Variants in INTS13 observed in about 807,000 individuals in gnomAD.
INTS13 encodes asunder, spermatogenesis regulator homolog (Drosphila).
In INTS13, 35 loss-of-function variants were observed where a neutral mutation model predicts 90.2. The observed-to-expected ratio is 0.39, with a 90% CI of 0.30 to 0.51. INTS13 has a LOEUF of 0.51. Ranked by LOEUF, INTS13 falls within the 20% of genes least tolerant of loss-of-function variation. INTS13 has a pLI of 0.80. For missense variants in INTS13, 601 were observed against 851.2 expected, an observed-to-expected ratio of 0.71 and a Z score of 3.66; for synonymous variants, 309 against 277.1, an observed-to-expected ratio of 1.11 and a Z score of -1.14.
intron 8 of INTS13, among the ~76,000 whole-genome samples, chr12:26,919,542 T>A (rs979991439): frequency 6.6e-6 from 1 of 152,016 alleles, no homozygotes. Flanking sequence ...AGATACTAGG[T>A]AAGGAAATAA....
chr12:26,926,022 T>C (rs1937854126), intron 5 of INTS13, among the ~76,000 whole-genome samples, 171 bp from the exon 6 acceptor site: 1 of 152,192 alleles, frequency 6.6e-6, no homozygotes, highest in Non-Finnish European at 1.5e-5. Context: ...TTGCTATACC[T>C]GTATGAACAC....
intron 8 of INTS13, among the ~76,000 whole-genome samples, chr12:26,922,195 T>C (rs1952139463): frequency 6.6e-6 from 1 of 152,230 alleles, no homozygotes; most frequent in East Asian, 1.9e-4. Flanking sequence ...AGGTCCATAG[T>C]AGCCTAATGC....
Position 26,913,495 on chromosome 12 carries a change from T to C in INTS13, c.1767A>G (p.Lys589=), listed in dbSNP as rs1382989424. The C allele has an allele frequency of 6.2e-7, 1 of 1,614,148 alleles. No individual in the cohort carries two copies. Among genetic ancestry groups the C allele is most frequent in the South Asian group, 1.1e-5 (1 of 91,084 alleles). The change falls in exon 14 of 17, where the codon AAA becomes AAG. Residue 589 remains lysine (K), a synonymous_variant. Transcript: ENST00000261191. The stretch of plus-strand genomic sequence containing the variant: ...GCCAAGACTTTTCCTGTTCATAATC[T>C]TTCACTGCTTTCTCTGACTTGTCCT... ...DKEDKSEKAV[K]DYEQEKSWQD... is the part of the protein sequence containing the mutation.
At chr12:26,918,135 AAAT>A (rs575848673) in intron 8 of INTS13, among the ~76,000 whole-genome samples, 6 of 151,892 alleles carry the variant, frequency 4.0e-5, no homozygotes, top group African/African-American at 1.2e-4. Flanking sequence ...AAAATAAATA[AAAT>A]AATAATAATA....
At chr12:26,919,878 C>T (rs1952058180) in intron 8 of INTS13, among the ~76,000 whole-genome samples, 1 of 151,990 alleles carries the variant, frequency 6.6e-6, no homozygotes, top group Non-Finnish European at 1.5e-5. Context: ...ACCTGTAATC[C>T]CAGCACTTTG....
At chr12:26,906,806 T>C (rs1951623373) in intron 15 of INTS13, among the ~76,000 whole-genome samples, 1 of 152,240 alleles carries the variant, frequency 6.6e-6, no homozygotes, top group African/African-American at 2.4e-5. Flanking sequence ...CTTCCCATGC[T>C]CACTCTCTCC....
intron 5 of INTS13, among the ~76,000 whole-genome samples, chr12:26,926,118 T>C (rs1393839491): frequency 4.6e-5 from 7 of 152,194 alleles, no homozygotes; most frequent in Non-Finnish European, 8.8e-5. Flanking sequence ...TATAATTAAG[T>C]CTAATTTTCA....
chr12:26,936,555 A>G, intron 2 of INTS13, 24 bp downstream of exon 2: 1 of 1,528,076 alleles, frequency 6.5e-7, no homozygotes, highest in Non-Finnish European at 9.1e-7. Flanking sequence ...CAAAATCATG[A>G]TTTTGTTTGT....
intron 5 of INTS13, 67 bp from the exon 6 acceptor site, chr12:26,925,918 C>T: frequency 1.8e-6 from 2 of 1,088,836 alleles, no homozygotes; most frequent in Non-Finnish European, 2.8e-6. Context: ...AGCAGGTAAA[C>T]TACTAAAACC....
chr12:26,929,227 T>TA (rs1938055476), intron 3 of INTS13, among the ~76,000 whole-genome samples: 1 of 152,058 alleles, frequency 6.6e-6, no homozygotes, highest in Admixed American at 6.6e-5. Context: ...TTTTCATAAT[T>TA]AAAAAAATTA....
intron 7 of INTS13, among the ~76,000 whole-genome samples, chr12:26,923,091 T>A (rs1937674797): frequency 6.6e-6 from 1 of 152,130 alleles, no homozygotes; most frequent in Non-Finnish European, 1.5e-5. Flanking sequence ...AATAGCATCT[T>A]TAAATACCTA....
At chr12:26,923,276 C>T (rs187505903) in intron 7 of INTS13, among the ~76,000 whole-genome samples, 3 of 152,252 alleles carry the variant, frequency 2.0e-5, no homozygotes, top group Admixed American at 2.0e-4. Context: ...GGCAAGCTAT[C>T]AGAGTATTTT....
At chr12:26,910,373 A>T (rs1951735759) in intron 15 of INTS13, among the ~76,000 whole-genome samples, 1 of 152,308 alleles carries the variant, frequency 6.6e-6, no homozygotes, top group East Asian at 1.9e-4. Context: ...AAAGTATAAC[A>T]CTACTTGTTT....
chr12:26,923,788 T>C (rs985849487), intron 7 of INTS13, among the ~76,000 whole-genome samples: 2 of 152,174 alleles, frequency 1.3e-5, no homozygotes, highest in Non-Finnish European at 2.9e-5. Context: ...CTATTAGCTA[T>C]AAACACCTTT....
intron 15 of INTS13, among the ~76,000 whole-genome samples, chr12:26,910,568 G>A (rs1951740981): frequency 1.3e-5 from 2 of 152,160 alleles, no homozygotes; most frequent in South Asian, 4.1e-4. Context: ...CTGCTGCCAT[G>A]TGAAGAAGGA....
chr12:26,936,547 A>AAATC (rs1246263849), intron 2 of INTS13, 32 bp downstream of exon 2: 1 of 1,511,768 alleles, frequency 6.6e-7, no homozygotes, highest in Non-Finnish European at 9.2e-7. Context: ...TACATCCCCA[A>AAATC]AATCATGATT....
intron 8 of INTS13, among the ~76,000 whole-genome samples, chr12:26,920,917 C>T (rs962046279): frequency 6.6e-6 from 1 of 152,168 alleles, no homozygotes; most frequent in African/African-American, 2.4e-5. Flanking sequence ...CATGATTATG[C>T]TTCAGAAGAT....
intron 8 of INTS13, among the ~76,000 whole-genome samples, chr12:26,918,541 C>A (rs943056316): frequency 6.6e-6 from 1 of 152,240 alleles, no homozygotes; most frequent in African/African-American, 2.4e-5. Context: ...GCATCTACAA[C>A]TGCTCTTCCC....
intron 9 of INTS13, 21 bp from the exon 10 acceptor site, chr12:26,917,462 G>T (rs748094508): frequency 1.5e-6 from 2 of 1,357,110 alleles, no homozygotes; most frequent in South Asian, 1.3e-5. Flanking sequence ...AGAAAACACT[G>T]ATTTGAAAGA....
Sources: gnomAD v4.1 joint callset for allele counts (sites outside exome capture counted in the v4.1 genomes callset) on GRCh38, gnomAD v4.1.1 for gene constraint, MANE v1.5 for transcripts, NCBI Gene and HGNC (gene_info 2026-07-23, HGNC 2026-07-21) for gene names.